The following SPPL3 variants were observed in gnomAD, a reference collection of about 807,000 sequenced individuals.
SPPL3 encodes the protein signal peptide peptidase-like 3.
In SPPL3, 5 loss-of-function variants were observed where a neutral mutation model predicts 42.4. The observed-to-expected ratio is 0.12, with a 90% CI of 0.06 to 0.25. SPPL3 has a LOEUF of 0.25. Among genes scored for constraint, SPPL3 ranks in the 10% least tolerant of loss-of-function variants. The pLI is 1.00. For synonymous variants in SPPL3, 195 were observed against 181.8 expected, an observed-to-expected ratio of 1.07 and a Z score of -0.58; for missense variants, 235 against 489.0, an observed-to-expected ratio of 0.48 and a Z score of 4.90.
rs577740967 is a variant in SPPL3, at chr12:120,842,157, A to T, written c.24-31271T>A. Reference sequence around the variant, plus strand: ...AAAATTGTGATGGCAAGAAGTGCTCAAAATTTGAAATTGTGGCCCAGAATC... The same window carrying T: ...AAAATTGTGATGGCAAGAAGTGCTCTAAATTTGAAATTGTGGCCCAGAATC... On this transcript the variant is annotated intron_variant, in intron 1 of 10. Coordinates refer to ENST00000353487, the MANE Select transcript of SPPL3 (RefSeq NM_139015.5). Among the ~76,000 whole-genome samples the T allele has an allele frequency of 5.3e-5, 8 of 152,352 alleles. No homozygotes were observed. The East Asian group carries it at 1.3e-3, about 26-fold the overall frequency.
At chr12:120,794,272 AT>A (rs76687139) in intron 2 of SPPL3, among the ~76,000 whole-genome samples, 29,479 of 148,588 alleles carry the variant, frequency 0.2, 4,497 homozygotes, top group African/African-American at 0.41. Flanking sequence ...ACTTTTAACT[AT>A]TTTTTTTTTA....
intron 1 of SPPL3, among the ~76,000 whole-genome samples, chr12:120,816,801 C>T (rs771637731): frequency 2.8e-4 from 43 of 152,114 alleles, no homozygotes; most frequent in Non-Finnish European, 5.7e-4. Flanking sequence ...TCTTAGGAGG[C>T]CTAATTCCAG....
At chr12:120,850,597 G>A (rs1452422786) in intron 1 of SPPL3, among the ~76,000 whole-genome samples, 2 of 151,840 alleles carry the variant, frequency 1.3e-5, no homozygotes, top group Non-Finnish European at 2.9e-5. Flanking sequence ...GGACGTTAGG[G>A]TTTTTCAAAC....
intron 3 of SPPL3, among the ~76,000 whole-genome samples, chr12:120,790,853 G>A (rs1245080778): frequency 6.9e-6 from 1 of 144,018 alleles, no homozygotes; most frequent in Non-Finnish European, 1.5e-5. Flanking sequence ...ACGGAGTTTC[G>A]CTCTTGTTGC....
At chr12:120,818,447 C>T (rs1870951138) in intron 1 of SPPL3, among the ~76,000 whole-genome samples, 1 of 152,128 alleles carries the variant, frequency 6.6e-6, no homozygotes, top group Non-Finnish European at 1.5e-5. Flanking sequence ...AACTCTAAAC[C>T]CTAAGATTTT....
At chr12:120,834,656 T>C (rs1871547077) in intron 1 of SPPL3, among the ~76,000 whole-genome samples, 1 of 152,206 alleles carries the variant, frequency 6.6e-6, no homozygotes, top group Non-Finnish European at 1.5e-5. Context: ...TGAACAGAGA[T>C]CAGCTGTGCT....
chr12:120,902,035 GA>G, intron 1 of SPPL3: 1 of 460,040 alleles, frequency 2.2e-6, no homozygotes, highest in African/African-American at 2.1e-5. Flanking sequence ...AGCTCAAGAT[GA>G]GTAACCACAA....
intron 2 of SPPL3, among the ~76,000 whole-genome samples, chr12:120,809,970 TAA>T (rs201806219): frequency 2.0e-4 from 28 of 139,836 alleles, no homozygotes; most frequent in East Asian, 4.6e-4. Context: ...TAGGACAACA[TAA>T]AAAAATTTTT....
At chr12:120,843,280 A>T (rs569293077) in intron 1 of SPPL3, among the ~76,000 whole-genome samples, 2 of 152,206 alleles carry the variant, frequency 1.3e-5, no homozygotes, top group African/African-American at 4.8e-5. Flanking sequence ...TGTTACATCT[A>T]TTCTTGATAC....
At chr12:120,831,042 A>G (rs1454847431) in intron 1 of SPPL3, among the ~76,000 whole-genome samples, 1 of 152,156 alleles carries the variant, frequency 6.6e-6, no homozygotes, top group African/African-American at 2.4e-5. Context: ...GGGCCTGAAC[A>G]GAACAAAAAG....
intron 6 of SPPL3, among the ~76,000 whole-genome samples, chr12:120,772,945 T>C (rs1458131829): frequency 2.6e-5 from 4 of 152,240 alleles, no homozygotes; most frequent in Non-Finnish European, 5.9e-5. Flanking sequence ...TATAATCATA[T>C]AGAATGTTTA....
At chr12:120,875,225 G>C (rs1054863755) in intron 1 of SPPL3, among the ~76,000 whole-genome samples, 1 of 152,020 alleles carries the variant, frequency 6.6e-6, no homozygotes, top group Non-Finnish European at 1.5e-5. Flanking sequence ...CTAATTACTG[G>C]TGGCCTTTTA....
chr12:120,819,325 T>C (rs996654958), intron 1 of SPPL3, among the ~76,000 whole-genome samples: 5 of 152,146 alleles, frequency 3.3e-5, no homozygotes, highest in Admixed American at 6.5e-5. Flanking sequence ...CATTGGTAAT[T>C]TGGAAGATAC....
chr12:120,770,783 A>G (rs550806505), intron 6 of SPPL3, among the ~76,000 whole-genome samples: 5 of 152,054 alleles, frequency 3.3e-5, no homozygotes, highest in Admixed American at 6.5e-5. Context: ...TATCTATCTT[A>G]TATGTCATCA....
Position 120,896,387 on chromosome 12 carries a change from T to G in SPPL3, c.23+7458A>C, listed in dbSNP as rs1200849881. On this transcript the variant is annotated intron_variant, in intron 1 of 10. Transcript: ENST00000353487. ...TTCCCTGTAAAACTGAATTTGATCATTTAGAGCCCCTCTGAGCACCTCAGA... is the reference window on the plus strand; with the variant it reads ...TTCCCTGTAAAACTGAATTTGATCAGTTAGAGCCCCTCTGAGCACCTCAGA... Among the ~76,000 whole-genome samples the G allele has an allele frequency of 2.6e-5, 4 of 152,144 alleles. No homozygotes were observed. The East Asian group carries it at 7.7e-4, about 29-fold the overall frequency.
intron 1 of SPPL3, among the ~76,000 whole-genome samples, chr12:120,821,294 C>CG (rs1237320180): frequency 1.3e-5 from 2 of 152,224 alleles, no homozygotes; most frequent in African/African-American, 2.4e-5. Flanking sequence ...TCCTCTAAGA[C>CG]AGGTCCTCAC....
chr12:120,809,889 C>T (rs994590705), intron 2 of SPPL3, among the ~76,000 whole-genome samples: 1 of 152,106 alleles, frequency 6.6e-6, no homozygotes, highest in Non-Finnish European at 1.5e-5. Flanking sequence ...CCTTGGATGT[C>T]AAGCCTTTGG....
At chr12:120,765,666 A>ATT (rs548029045) in intron 10 of SPPL3, among the ~76,000 whole-genome samples, 1 of 151,886 alleles carries the variant, frequency 6.6e-6, no homozygotes, top group South Asian at 2.1e-4. Context: ...ATAACCCACT[A>ATT]TTTTTAGGAG....
intron 1 of SPPL3, among the ~76,000 whole-genome samples, chr12:120,871,936 C>T (rs1222018732): frequency 2.0e-5 from 3 of 152,036 alleles, no homozygotes; most frequent in East Asian, 1.9e-4. Flanking sequence ...GGGATTTTTC[C>T]GATTTTGGAA....
Sources: allele counts gnomAD v4.1 joint callset (sites outside exome capture counted in the v4.1 genomes callset), GRCh38; gene constraint gnomAD v4.1.1; transcripts MANE v1.5; gene names NCBI Gene and HGNC (gene_info 2026-07-23, HGNC 2026-07-21).